DGKG: variants seen among roughly 807,000 people sequenced by gnomAD.
DGKG encodes the protein diacylglycerol kinase gamma.
In DGKG, 78 loss-of-function variants were observed where a neutral mutation model predicts 105.3. That is an observed-to-expected ratio of 0.74 (90% CI 0.62 to 0.89). The LOEUF (loss-of-function observed/expected upper bound fraction) is 0.89. Ranked by LOEUF, DGKG falls within the 40% of genes least tolerant of loss-of-function variation. The pLI is 0.00. For synonymous variants in DGKG, 346 were observed against 367.1 expected (o/e 0.94, Z 0.66); for missense variants, 958 against 1,020.1 (o/e 0.94, Z 0.83).
chr3:186,313,351 G>A lies in DGKG; in HGVS notation c.68-6374C>T, dbSNP rs563848672. Reference sequence around the variant, plus strand: ...GAAAAGACTTTATATAGAAGCAGAGGAAATTGGGGTCAATAGCAATAAAAC... The same window carrying A: ...GAAAAGACTTTATATAGAAGCAGAGAAAATTGGGGTCAATAGCAATAAAAC... On this transcript the variant is annotated intron_variant, in intron 2 of 24. Coordinates refer to ENST00000265022, the MANE Select transcript of DGKG (RefSeq NM_001346.3). The A allele has an allele frequency of 2.9e-3, 604 of 208,180 alleles. 8 individuals are homozygous for A. The highest frequency in any genetic ancestry group is 3.3e-3 in the Non-Finnish European group (394 of 119,262). The allele number at this position is 208,180 out of a possible 1,614,324, so 12.9% of individuals were successfully genotyped here.
chr3:186,235,112 G>A lies in DGKG; in HGVS notation c.1826+7392C>T, dbSNP rs374080541. On this transcript the variant is annotated intron_variant, in intron 20 of 24. Transcript: ENST00000265022. ...TCCCAAAGAGAGGTGGGGAGGGTGGGGGACAAAACATTTTTGTGGCTTAGT... is the reference window on the plus strand; with the variant it reads ...TCCCAAAGAGAGGTGGGGAGGGTGGAGGACAAAACATTTTTGTGGCTTAGT... 4.9e-4 allele frequency among the ~76,000 whole-genome samples: 75 copies of A among 152,218 alleles called. No individual in the cohort carries two copies. The Middle Eastern group carries it at 0.017, about 35-fold the overall frequency.
intron 1 of DGKG, among the ~76,000 whole-genome samples, chr3:186,321,165 G>A (rs776072904): frequency 1.2e-4 from 19 of 152,194 alleles, no homozygotes; most frequent in Non-Finnish European, 2.5e-4. Flanking sequence ...GCAGTTCTCT[G>A]TCCTCTTAGA....
intron 1 of DGKG, among the ~76,000 whole-genome samples, chr3:186,358,107 A>C (rs1202876252): frequency 6.6e-6 from 1 of 152,268 alleles, no homozygotes; most frequent in Non-Finnish European, 1.5e-5. Flanking sequence ...CATCCAGTAC[A>C]GGACCTGGAA....
At chr3:186,158,543 A>C in intron 24 of DGKG, 1 of 962,828 alleles carries the variant, frequency 1.0e-6, no homozygotes. Flanking sequence ...TAATTTCTGC[A>C]ACTGGATTTT....
intron 20 of DGKG, among the ~76,000 whole-genome samples, chr3:186,220,420 G>T (rs1345695686): frequency 6.6e-6 from 1 of 152,150 alleles, no homozygotes. Flanking sequence ...CAGCTGGGAG[G>T]TATGGAGCTG....
rs373770667 is a variant in DGKG, at chr3:186,260,555, G to T, written c.1350-42C>A. 212 of 1,432,520 alleles carry T rather than the reference G, an allele frequency of 1.5e-4. No homozygotes were observed. In the African/African-American group the frequency reaches 2.7e-3, roughly 18 times the overall value. 88.7% of individuals were successfully genotyped at this position (1,432,520 alleles called of 1,614,324 possible). A position where few individuals can be genotyped will look rare whatever the true frequency, so the allele number is the denominator to read the frequency against. ...AAAAGGAGGGAGAGAGAGAGACAGAGAAGGAATATGTCATCGTGAGAAGTC... is the reference window on the plus strand; with the variant it reads ...AAAAGGAGGGAGAGAGAGAGACAGATAAGGAATATGTCATCGTGAGAAGTC... On this transcript the variant is annotated intron_variant, in intron 15 of 24. Transcript: ENST00000265022.
chr3:186,357,409 G>T (rs992190208), intron 1 of DGKG, among the ~76,000 whole-genome samples: 3 of 151,890 alleles, frequency 2.0e-5, no homozygotes, highest in Non-Finnish European at 4.4e-5. Flanking sequence ...AAAGCAAAAG[G>T]TCCAAGAAAA....
chr3:186,342,349 A>G (rs2108661770), intron 1 of DGKG, among the ~76,000 whole-genome samples: 1 of 152,236 alleles, frequency 6.6e-6, no homozygotes, highest in South Asian at 2.1e-4. Flanking sequence ...TGGCCACAGG[A>G]AGAAATGGAG....
chr3:186,158,969 C>A (rs538167275), intron 24 of DGKG: 61 of 343,820 alleles, frequency 1.8e-4, no homozygotes, highest in African/African-American at 1.3e-3. Context: ...TTTCTTTATA[C>A]CTGATAAAGG....
At chr3:186,310,292 A>G (rs1396059690) in intron 2 of DGKG, among the ~76,000 whole-genome samples, 1 of 133,814 alleles carries the variant, frequency 7.5e-6, no homozygotes. Flanking sequence ...AAAAAAAACC[A>G]CACACACACA....
chr3:186,284,843 C>T lies in DGKG; in HGVS notation c.545-134G>A. On this transcript the variant is annotated intron_variant, in intron 6 of 24. Coordinates refer to ENST00000265022, the MANE Select transcript of DGKG (RefSeq NM_001346.3). The surrounding 1 kb of genome is among the most constrained non-coding windows in gnomAD (Gnocchi z 4.0). ...GGTTATGGCAGCCAGCTCTCCCTCC[C>T]TCTGAGCACAGAGTCTGACTTCCTT... The T allele has an allele frequency of 4.2e-6, 3 of 713,616 alleles. No individual in the cohort carries two copies. In the East Asian group the frequency reaches 8.0e-5, roughly 19 times the overall value. The allele number at this position is 713,616 out of a possible 1,614,324, so 44.2% of individuals were successfully genotyped here.
At chr3:186,269,727 G>C (rs905060297) in intron 11 of DGKG, among the ~76,000 whole-genome samples, 1 of 152,224 alleles carries the variant, frequency 6.6e-6, no homozygotes, top group Non-Finnish European at 1.5e-5. Context: ...AAAGTCCAAA[G>C]AAGTTAGTGA....
chr3:186,244,561 T>C (rs1289094442), intron 19 of DGKG, among the ~76,000 whole-genome samples: 2 of 152,024 alleles, frequency 1.3e-5, no homozygotes, highest in East Asian at 1.9e-4. Context: ...TCCGCCACCA[T>C]GTCGGGCTAA....
chr3:186,151,826 C>T (rs1053726773), intron 24 of DGKG, among the ~76,000 whole-genome samples: 3 of 152,044 alleles, frequency 2.0e-5, no homozygotes, highest in African/African-American at 7.2e-5. Context: ...GAACTGTAAT[C>T]CCAGCACTTC....
intron 19 of DGKG, among the ~76,000 whole-genome samples, chr3:186,245,964 C>T (rs4541396): frequency 6.6e-6 from 1 of 151,952 alleles, no homozygotes; most frequent in African/African-American, 2.4e-5. Flanking sequence ...ATATTTAAAA[C>T]AATTTTTAAA....
At chr3:186,201,892 T>G (rs1372334734) in intron 21 of DGKG, among the ~76,000 whole-genome samples, 1 of 152,192 alleles carries the variant, frequency 6.6e-6, no homozygotes, top group African/African-American at 2.4e-5. Flanking sequence ...CTGATAGATA[T>G]GCCAAGTCCT....
intron 2 of DGKG, among the ~76,000 whole-genome samples, chr3:186,315,947 TTCTTCTGTGC>T (rs1464391950): frequency 6.6e-6 from 1 of 152,246 alleles, no homozygotes; most frequent in African/African-American, 2.4e-5. Context: ...TGACAGCAGC[TTCTTCTGTGC>T]TCTTGGAGCC....
chr3:186,210,869 G>C lies in DGKG; in HGVS notation c.1917+926C>G, dbSNP rs1253353785. Among the ~76,000 whole-genome samples, 1 of 152,242 alleles carries C rather than the reference G, an allele frequency of 6.6e-6. No individual in the cohort carries two copies. The highest frequency in any genetic ancestry group is 1.5e-5 in the Non-Finnish European group (1 of 68,040). Reference sequence around the variant, plus strand: ...CACGGGAAGGTAGGCCTGGTAGCAAGAACTCTGGGCAAGAGAACCAATGGG... The same window carrying C: ...CACGGGAAGGTAGGCCTGGTAGCAACAACTCTGGGCAAGAGAACCAATGGG... On this transcript the variant is annotated intron_variant, in intron 21 of 24. Coordinates refer to ENST00000265022, the MANE Select transcript of DGKG (RefSeq NM_001346.3). The surrounding 1 kb of genome is among the most constrained non-coding windows in gnomAD (Gnocchi z 5.2).
At chr3:186,224,504 T>C (rs981014498) in intron 20 of DGKG, among the ~76,000 whole-genome samples, 2 of 152,180 alleles carry the variant, frequency 1.3e-5, no homozygotes, top group African/African-American at 4.8e-5. Context: ...TATGAGTATG[T>C]GCACTCGAAT....
Sources: gnomAD v4.1 joint callset for allele counts (sites outside exome capture counted in the v4.1 genomes callset) on GRCh38, gnomAD v4.1.1 for gene constraint, Gnocchi (gnomAD v3.1) non-coding constraint, MANE v1.5 for transcripts, NCBI Gene and HGNC (gene_info 2026-07-23, HGNC 2026-07-21) for gene names.